The following CCDC63 variants were observed in gnomAD, a reference collection of about 807,000 sequenced individuals.
The protein encoded by CCDC63 is coiled-coil domain-containing protein 63.
CCDC63 carries 54 observed loss-of-function variants against 63.6 expected under a neutral mutation model. That is an observed-to-expected ratio of 0.85 (90% CI 0.68 to 1.07). The LOEUF (loss-of-function observed/expected upper bound fraction) is 1.07. Among genes scored for constraint, CCDC63 ranks in the 50% least tolerant of loss-of-function variants. The pLI is 0.00. For missense variants in CCDC63, 637 were observed against 689.6 expected (o/e 0.92, Z 0.86); for synonymous variants, 253 against 266.1 (o/e 0.95, Z 0.48).
chr12:110,873,480 G>A (rs565910105), intron 4 of CCDC63, among the ~76,000 whole-genome samples: 191 of 152,268 alleles, frequency 1.3e-3, no homozygotes, highest in African/African-American at 4.5e-3. Flanking sequence ...CTGGGAGGAC[G>A]ATGTCATTTC....
At chr12:110,846,519 C>CG (rs2070638653), upstream of CCDC63, among the ~76,000 whole-genome samples, 1 of 151,830 alleles carries the variant, frequency 6.6e-6, no homozygotes, top group African/African-American at 2.4e-5. Context: ...TATCTCTTTC[C>CG]CCCCCCGCCC....
intron 8 of CCDC63, among the ~76,000 whole-genome samples, chr12:110,890,167 G>A (rs985208855): frequency 6.6e-6 from 1 of 152,076 alleles, no homozygotes; most frequent in Admixed American, 6.6e-5. Flanking sequence ...AGCTGGGTGT[G>A]ATGGTGTGTG....
intron 10 of CCDC63, among the ~76,000 whole-genome samples, chr12:110,904,168 AC>A (rs2136752266): frequency 6.6e-6 from 1 of 152,036 alleles, no homozygotes; most frequent in Admixed American, 6.6e-5. Context: ...TCAGCCAGAC[AC>A]AGTGTCTATA....
At chr12:110,851,726 C>T (rs2070708206) in intron 1 of CCDC63, among the ~76,000 whole-genome samples, 1 of 152,182 alleles carries the variant, frequency 6.6e-6, no homozygotes, top group South Asian at 2.1e-4. Context: ...GCACCTTCGC[C>T]CTCTGAAACA....
At chr12:110,905,668 G>C (rs1374584330) in intron 11 of CCDC63, among the ~76,000 whole-genome samples, 2 of 151,074 alleles carry the variant, frequency 1.3e-5, no homozygotes, top group African/African-American at 4.9e-5. Flanking sequence ...AATATGAAGA[G>C]ACTAGGAAGA....
chr12:110,878,097 C>T lies in CCDC63; in HGVS notation c.490-1809C>T, dbSNP rs148441927. Among the ~76,000 whole-genome samples, 189 of 152,246 alleles carry T rather than the reference C, an allele frequency of 1.2e-3. 1 individual carries two copies. Among genetic ancestry groups the T allele is most frequent in the African/African-American group, 3.5e-3 (147 of 41,554 alleles). On this transcript the variant is annotated intron_variant, in intron 5 of 11. Transcript: ENST00000308208. ...GGCTTATTTCACTTAGCGTAATGTC[C>T]TCCAGTTTCATCCATGTTGTGGCAA...
At chr12:110,867,114 G>A (rs575458630) in intron 4 of CCDC63, among the ~76,000 whole-genome samples, 53 of 141,078 alleles carry the variant, frequency 3.8e-4, no homozygotes, top group Admixed American at 3.1e-3. Context: ...GCGGCTGGCC[G>A]GGCAGGGGGG....
At chr12:110,866,973 C>G (rs1373292243) in intron 4 of CCDC63, among the ~76,000 whole-genome samples, 1 of 137,342 alleles carries the variant, frequency 7.3e-6, no homozygotes, top group African/African-American at 2.7e-5. Context: ...CCCTCCCGGA[C>G]GGGGCGGCTG....
intron 7 of CCDC63, among the ~76,000 whole-genome samples, chr12:110,881,809 T>C (rs995011123): frequency 6.6e-6 from 1 of 152,230 alleles, no homozygotes; most frequent in Admixed American, 6.5e-5. Flanking sequence ...TGGGACATAC[T>C]TATGATAAAA....
At chr12:110,846,098 G>C (rs541571097), upstream of CCDC63, 2 of 152,190 alleles carry the variant, frequency 1.3e-5, no homozygotes, top group Admixed American at 6.5e-5. Flanking sequence ...CAGCGCACCT[G>C]GCCTCCAAAA....
intron 4 of CCDC63, among the ~76,000 whole-genome samples, chr12:110,868,783 G>C (rs2136675680): frequency 7.1e-6 from 1 of 141,004 alleles, no homozygotes; most frequent in Non-Finnish European, 1.6e-5. Context: ...GAGGGAGAGG[G>C]AGAGGGAGAG....
chr12:110,900,793 T>C (rs989345641), intron 10 of CCDC63, among the ~76,000 whole-genome samples: 1 of 152,104 alleles, frequency 6.6e-6, no homozygotes, highest in Non-Finnish European at 1.5e-5. Context: ...AGAGATGGGG[T>C]TTCACCATGT....
chr12:110,898,144 T>C (rs1374334803), intron 9 of CCDC63, among the ~76,000 whole-genome samples: 3 of 151,730 alleles, frequency 2.0e-5, no homozygotes, highest in Non-Finnish European at 4.4e-5. Flanking sequence ...TAGCTGGGCA[T>C]GGTGGCGTCT....
chr12:110,867,170 G>GTA (rs1346288575), intron 4 of CCDC63, among the ~76,000 whole-genome samples: 1 of 142,372 alleles, frequency 7.0e-6, no homozygotes, highest in Non-Finnish European at 1.6e-5. Context: ...TGGCCGGGCG[G>GTA]GGGGCTGACA....
intron 7 of CCDC63, among the ~76,000 whole-genome samples, chr12:110,883,256 T>G (rs1440323021): frequency 1.3e-5 from 2 of 152,144 alleles, no homozygotes; most frequent in Non-Finnish European, 2.9e-5. Flanking sequence ...CAGGATGGTC[T>G]CAGTCTCTTG....
chr12:110,907,183 A>G lies in CCDC63; in HGVS notation c.1547-148A>G, dbSNP rs1048889470. 3.0e-6 allele frequency: 2 copies of G among 674,868 alleles called. No individual in the cohort carries two copies. The highest frequency in any genetic ancestry group is 5.6e-5 in the East Asian group (2 of 35,630). 41.8% of individuals were successfully genotyped at this position (674,868 alleles called of 1,614,324 possible). On this transcript the variant is annotated intron_variant, in intron 11 of 11. Transcript: ENST00000308208. The surrounding 1 kb of genome is among the most constrained non-coding windows in gnomAD (Gnocchi z 4.4). ...AGTCATTGTCTGGGCAGCCCCAAGA[A>G]GTATATTTCTGTTCATTCTCCCCCT... is the stretch of plus-strand genomic sequence containing the variant.
intron 4 of CCDC63, among the ~76,000 whole-genome samples, chr12:110,868,686 G>T (rs1310487048): frequency 6.8e-6 from 1 of 146,572 alleles, no homozygotes; most frequent in Non-Finnish European, 1.5e-5. Context: ...GTCCAGCTTC[G>T]GCTCCGCATG....
Position 110,873,959 on chromosome 12 carries a change from C to A in CCDC63, c.487C>A (p.Leu163Ile), listed in dbSNP as rs754623639. The A allele has an allele frequency of 1.8e-5, 29 of 1,610,960 alleles. No homozygotes were observed. The Admixed American group carries it at 4.9e-4, about 27-fold the overall frequency. Residue 163 changes from leucine to isoleucine, a missense_variant and splice_region_variant, in exon 5 of 12, where the codon CTC becomes ATC. By Grantham distance (5) the Leu-to-Ile change is conservative. Coordinates refer to ENST00000308208, the MANE Select transcript of CCDC63 (RefSeq NM_152591.3). ...QIHILETRLN[L>I]VTVHFDKMLT... ...TCACATTTTGGAAACCCGTTTGAAT[C>A]TCGTATGTAAAGTGTTCTCTGCAGC...
At chr12:110,892,392 A>G (rs986636330) in intron 8 of CCDC63, among the ~76,000 whole-genome samples, 1 of 151,166 alleles carries the variant, frequency 6.6e-6, no homozygotes, top group Non-Finnish European at 1.5e-5. Context: ...CCCGGGCAAC[A>G]TAGTGAGACC....
Sources: allele counts gnomAD v4.1 joint callset (sites outside exome capture counted in the v4.1 genomes callset), GRCh38; gene constraint gnomAD v4.1.1; non-coding constraint Gnocchi (gnomAD v3.1); transcripts MANE v1.5; gene names NCBI Gene and HGNC (gene_info 2026-07-23, HGNC 2026-07-21).